The following PKD1L3 variants were observed in gnomAD, a reference collection of about 807,000 sequenced individuals.
PKD1L3 encodes polycystin 1 like 3, transient receptor potential channel interacting.
A neutral mutation model predicts 184.1 loss-of-function variants in PKD1L3; 239 were observed. The ratio of observed to expected loss-of-function variants is 1.30; its 90% CI spans 1.17 to 1.45. The LOEUF (loss-of-function observed/expected upper bound fraction) is 1.45, where lower values mean the gene tolerates loss of function less well. PKD1L3 is among the 40% of genes most tolerant of loss of function. The pLI is 0.00. For missense variants in PKD1L3, 2,660 were observed against 2,067.2 expected (o/e 1.29, Z -5.56); for synonymous variants, 996 against 778.8 (o/e 1.28, Z -4.64).
chr16:71,959,434 A>T (rs1340226992), intron 16 of PKD1L3, among the ~76,000 whole-genome samples: 7 of 152,186 alleles, frequency 4.6e-5, no homozygotes. Flanking sequence ...CTAAACAAAC[A>T]AACAAAAAAC....
intron 5 of PKD1L3, among the ~76,000 whole-genome samples, chr16:71,985,262 C>T (rs937470734): frequency 6.6e-6 from 1 of 152,042 alleles, no homozygotes; most frequent in Non-Finnish European, 1.5e-5. Context: ...CCAAATAGAA[C>T]ACTGAATTTC....
chr16:71,997,979 A>T (rs913331587), intron 2 of PKD1L3, among the ~76,000 whole-genome samples: 7 of 152,018 alleles, frequency 4.6e-5, no homozygotes, highest in South Asian at 4.1e-4. Flanking sequence ...CTGAATTATG[A>T]GTGTGCATGT....
intron 7 of PKD1L3, among the ~76,000 whole-genome samples, chr16:71,980,854 G>C (rs2040122443): frequency 6.6e-6 from 1 of 151,806 alleles, no homozygotes; most frequent in Admixed American, 6.6e-5. Context: ...AATAAACCTG[G>C]TACCCATTAG....
chr16:71,975,286 G>A (rs2039877630), intron 11 of PKD1L3, among the ~76,000 whole-genome samples: 1 of 149,620 alleles, frequency 6.7e-6, no homozygotes, highest in Non-Finnish European at 1.5e-5. Context: ...TCAAATTCCT[G>A]GGCTTAAGTG....
chr16:71,939,778 G>A (rs2038298040), intron 24 of PKD1L3, among the ~76,000 whole-genome samples: 1 of 152,142 alleles, frequency 6.6e-6, no homozygotes, highest in South Asian at 2.1e-4. Flanking sequence ...GTTGGATTAG[G>A]ATAGATGTCC....
At position 71,947,543 on chromosome 16, in the gene PKD1L3, G is replaced by T. The variant is rs368144697; in HGVS notation, c.3667C>A (p.Arg1223=). Residue 1223 remains arginine, a synonymous_variant, in exon 22 of 30, where the codon CGG becomes AGG. Coordinates refer to ENST00000620267, the MANE Select transcript of PKD1L3 (RefSeq NM_181536.2). ...LYSLMMSRMP[R]LNKENEQQTK... is the part of the protein sequence containing the mutation. The stretch of plus-strand genomic sequence containing the variant: ...TGTTGTTCATTCTCTTTGTTAAGCC[G>T]TGGCATCCTGCTCATCATCAGTGAG... The T allele has an allele frequency of 4.5e-6, 7 of 1,547,890 alleles. No homozygotes were observed. In the South Asian group the frequency reaches 6.0e-5, roughly 13 times the overall value.
intron 10 of PKD1L3, among the ~76,000 whole-genome samples, 169 bp from the exon 11 acceptor site, chr16:71,977,636 A>G (rs933931170): frequency 8.0e-5 from 12 of 150,070 alleles, no homozygotes; most frequent in African/African-American, 2.7e-4. Flanking sequence ...GTCTCAAGCA[A>G]TCCTCCCGCT....
At position 71,954,148 on chromosome 16, in the gene PKD1L3, C is replaced by T. The variant is rs983194239; in HGVS notation, c.2766G>A (p.Met922Ile). ...CAGTGGTGCTGTTTATCTTCCAGAACATAACATTGATGACCATGTTGCAGA... is the reference window on the plus strand; with the variant it reads ...CAGTGGTGCTGTTTATCTTCCAGAATATAACATTGATGACCATGTTGCAGA... ...LLLCNMVINV[M>I]FWKINSTTAK... Residue 922 changes from methionine to isoleucine, a missense_variant, in exon 17 of 30, where the codon ATG (methionine) becomes ATA (isoleucine). Met to Ile is a conservative substitution (Grantham distance 10). Transcript: ENST00000620267. 1.9e-6 allele frequency: 3 copies of T among 1,550,456 alleles called. No homozygotes were observed. Among genetic ancestry groups the T allele is most frequent in the Non-Finnish European group, 1.7e-6 (2 of 1,146,404 alleles).
At chr16:71,969,024 G>A (rs1413312138) in intron 13 of PKD1L3, among the ~76,000 whole-genome samples, 4 of 151,798 alleles carry the variant, frequency 2.6e-5, no homozygotes, top group East Asian at 3.9e-4. Context: ...TCTGTCTCCC[G>A]GGCTCAAGCA....
intron 19 of PKD1L3, 128 bp from the exon 20 acceptor site, chr16:71,950,438 G>A (rs906284916): frequency 1.0e-5 from 8 of 782,948 alleles, no homozygotes; most frequent in African/African-American, 8.8e-5. Context: ...AGATTGGACC[G>A]TACCCCACAT....
intron 4 of PKD1L3, among the ~76,000 whole-genome samples, chr16:71,989,701 C>T (rs2040514081): frequency 6.6e-6 from 1 of 152,156 alleles, no homozygotes; most frequent in African/African-American, 2.4e-5. Flanking sequence ...CAAGTCCTTT[C>T]TGGAATGAAG....
At chr16:71,995,987 TA>T (rs1337509809) in intron 2 of PKD1L3, among the ~76,000 whole-genome samples, 7 of 152,202 alleles carry the variant, frequency 4.6e-5, no homozygotes, top group African/African-American at 1.7e-4. Context: ...TGCATTACGC[TA>T]TTTTTTTTGG....
chr16:71,983,485 A>G (rs1166080670), intron 6 of PKD1L3, among the ~76,000 whole-genome samples: 1 of 152,152 alleles, frequency 6.6e-6, no homozygotes, highest in Admixed American at 6.5e-5. Context: ...TCAGCAAGGC[A>G]GTACCAGCTG....
intron 14 of PKD1L3, 28 bp from the exon 15 acceptor site, chr16:71,967,343 A>C: frequency 6.5e-7 from 1 of 1,530,988 alleles, no homozygotes; most frequent in Non-Finnish European, 8.8e-7. Flanking sequence ...AAGATAAAAT[A>C]TAAGGAATTT....
intron 17 of PKD1L3, among the ~76,000 whole-genome samples, 166 bp from the exon 18 acceptor site, chr16:71,953,259 T>G (rs1381227228): frequency 6.6e-6 from 1 of 152,204 alleles, no homozygotes; most frequent in Non-Finnish European, 1.5e-5. Flanking sequence ...ACTGCTTCAT[T>G]TGTTAATGAA....
rs569294392 is a variant in PKD1L3 at position 71,962,027 on chromosome 16, C to T, written c.2612+1178G>A. 2.8e-3 allele frequency among the ~76,000 whole-genome samples: 424 copies of T among 152,276 alleles called. 2 individuals are homozygous for T. Among genetic ancestry groups the T allele is most frequent in the African/African-American group, 9.7e-3 (405 of 41,564 alleles). ...GCAACTTCCGCTTCCTGGGTTCAAG[C>T]CACTCTTCTGATTCAGCCTTCCAAG... On this transcript the variant is annotated intron_variant, in intron 16 of 29. Coordinates refer to ENST00000620267, the MANE Select transcript of PKD1L3 (RefSeq NM_181536.2).
In PKD1L3 at chr16:72,000,012, G is replaced by A. The variant is rs1484792157; in HGVS notation, c.-34C>T. ...AATTGTAGCAAGAAAAAGTGTGGGG[G>A]TTTAGCAGCTGCCTGGTCCTTTAAA... On this transcript the variant is annotated 5_prime_UTR_variant, in exon 1 of 30. Coordinates refer to ENST00000620267, the MANE Select transcript of PKD1L3 (RefSeq NM_181536.2). 1 of 1,454,060 alleles carries A rather than the reference G, an allele frequency of 6.9e-7. No homozygotes were observed. Among genetic ancestry groups the A allele is most frequent in the Non-Finnish European group, 9.2e-7 (1 of 1,089,600 alleles). The allele number at this position is 1,454,060 out of a possible 1,614,324, so 90.1% of individuals were successfully genotyped here.
At chr16:71,981,244 A>G (rs1457524653) in intron 7 of PKD1L3, among the ~76,000 whole-genome samples, 1 of 152,212 alleles carries the variant, frequency 6.6e-6, no homozygotes, top group African/African-American at 2.4e-5. Context: ...GGTAGACACT[A>G]GGAGTAGAAT....
chr16:71,948,403 T>C (rs961953486), intron 21 of PKD1L3, among the ~76,000 whole-genome samples: 2 of 152,106 alleles, frequency 1.3e-5, no homozygotes, highest in African/African-American at 4.8e-5. Context: ...GTATTCTTAA[T>C]AGAGACAGGG....
Sources: gnomAD v4.1 joint callset for allele counts (sites outside exome capture counted in the v4.1 genomes callset) on GRCh38, gnomAD v4.1.1 for gene constraint, MANE v1.5 for transcripts, NCBI Gene and HGNC (gene_info 2026-07-23, HGNC 2026-07-21) for gene names.